The following IFIT1B variants were observed in gnomAD, a reference collection of about 807,000 sequenced individuals.
The protein encoded by IFIT1B is interferon induced protein with tetratricopeptide repeats 1B, also known as protein IFIT1 homolog B.
In IFIT1B, 3 loss-of-function variants were observed where a neutral mutation model predicts 2.5. The observed-to-expected ratio is 1.21, with a 90% CI of 0.55 to 3.14. IFIT1B has a LOEUF of 3.14. Ranked by LOEUF, IFIT1B falls within the 30% of genes most tolerant of loss-of-function variation. The probability of loss-of-function intolerance (pLI) is 0.03; values close to 1 mark genes in which losing one functional copy is unlikely to be tolerated. For synonymous variants in IFIT1B, 196 were observed against 203.0 expected (o/e 0.97, Z 0.29); for missense variants, 545 against 556.5 (o/e 0.98, Z 0.21).
chr10:89,381,453 C>A (rs1206347253), intron 1 of IFIT1B, among the ~76,000 whole-genome samples: 2 of 152,166 alleles, frequency 1.3e-5, no homozygotes, highest in African/African-American at 4.8e-5. Flanking sequence ...TCCTGGGCCA[C>A]AGCTGGAAGG....
intron 1 of IFIT1B, among the ~76,000 whole-genome samples, chr10:89,380,911 A>G (rs1232622706): frequency 6.6e-6 from 1 of 152,198 alleles, no homozygotes; most frequent in Non-Finnish European, 1.5e-5. Flanking sequence ...TTGATGAACA[A>G]CCACCTATAA....
chr10:89,383,245 T>C (rs1220689613), intron 1 of IFIT1B, 74 bp from the exon 2 acceptor site: 9 of 1,320,998 alleles, frequency 6.8e-6, no homozygotes, highest in Non-Finnish European at 8.5e-6. Context: ...ATTTGACTAT[T>C]TGAAGTGCTG....
Position 89,384,401 on chromosome 10 carries a change from T to C in IFIT1B, c.1088T>C (p.Phe363Ser). The C allele has an allele frequency of 1.2e-6, 2 of 1,614,138 alleles. No individual in the cohort carries two copies. Among genetic ancestry groups the C allele is most frequent in the South Asian group, 1.1e-5 (1 of 91,082 alleles). The change falls in exon 2 of 2, where the codon TTT (phenylalanine) becomes TCT (serine). Residue 363 changes from phenylalanine (F) to serine (S), a missense_variant. By Grantham distance (155) the Phe-to-Ser change is radical. Transcript: ENST00000371809. Reference sequence around the variant, plus strand: ...CACCACAGAAAGGCTGAGGAACATTTTCAGAAAGGGTTACGCATGAAGATC... The same window carrying C: ...CACCACAGAAAGGCTGAGGAACATTCTCAGAAAGGGTTACGCATGAAGATC... ...IGHHRKAEEH[F>S]QKGLRMKIFE...
chr10:89,384,594 A>G lies in IFIT1B; in HGVS notation c.1281A>G (p.Lys427=). The change falls in exon 2 of 2, where the codon AAA becomes AAG. Residue 427 remains lysine (K), a synonymous_variant. Transcript: ENST00000371809. ...KLLNALEKLA[K]RCIHQNVRVV... ...TCAATGCTTTAGAGAAATTGGCTAA[A>G]AGATGTATTCACCAGAATGTACGGG... 2 of 1,614,198 alleles carry G rather than the reference A, an allele frequency of 1.2e-6. No homozygotes were observed. The highest frequency in any genetic ancestry group is 2.2e-5 in the South Asian group (2 of 91,090).
chr10:89,383,441 T>A lies in IFIT1B; in HGVS notation c.128T>A (p.Ile43Asn). The change falls in exon 2 of 2, where the codon ATT becomes AAT. Residue 43 changes from isoleucine (I) to asparagine (N), a missense_variant. Coordinates refer to ENST00000371809, the MANE Select transcript of IFIT1B (RefSeq NM_001010987.2). ...TTAGAAAACAGGATCTGGGAAGAGA[T>A]TCAGTTCCTGGACACCAAATACAAT... ...PDLENRIWEEIQFLDTKYNVG... is the reference protein window; with the variant it reads ...PDLENRIWEENQFLDTKYNVG... The A allele has an allele frequency of 1.9e-6, 3 of 1,614,216 alleles. No homozygotes were observed. Among genetic ancestry groups the A allele is most frequent in the Non-Finnish European group, 2.5e-6 (3 of 1,180,046 alleles).
At position 89,383,691 on chromosome 10, in the gene IFIT1B, G is replaced by A. The variant is rs12262020; in HGVS notation, c.378G>A (p.Lys126=). The A allele has an allele frequency of 4.1e-4, 663 of 1,614,240 alleles. 2 individuals are homozygous for A. In the Middle Eastern group the frequency reaches 5.9e-3, roughly 14 times the overall value. ...TYLDKVENTC[K]KFANPSRYRM... ...TGGACAAGGTGGAGAACACTTGCAA[G>A]AAGTTTGCAAATCCTTCCCGCTATA... The change falls in exon 2 of 2, where the codon AAG becomes AAA. Residue 126 remains lysine, a synonymous_variant. Transcript: ENST00000371809.
chr10:89,380,094 C>G (rs1844151980), intron 1 of IFIT1B, among the ~76,000 whole-genome samples: 1 of 151,798 alleles, frequency 6.6e-6, no homozygotes, highest in Non-Finnish European at 1.5e-5. Flanking sequence ...TGACAGAAAG[C>G]AAGCCTTTCA....
intron 1 of IFIT1B, 82 bp downstream of exon 1, chr10:89,378,222 C>T (rs1301531178): frequency 7.1e-7 from 1 of 1,407,780 alleles, no homozygotes; most frequent in Non-Finnish European, 1.0e-6. Context: ...AATTTTTTGA[C>T]AGGCCTTCTC....
rs1241113290 is a variant in IFIT1B at position 89,383,502 on chromosome 10, C to T, written c.189C>T (p.His63=). 8 of 1,614,010 alleles carry T rather than the reference C, an allele frequency of 5.0e-6. No homozygotes were observed. The highest frequency in any genetic ancestry group is 5.1e-6 in the Non-Finnish European group (6 of 1,180,036). The part of the protein sequence containing the change: ...GIHNLLAYVK[H]LKGQNEEALV... ...ACAACCTACTAGCCTATGTGAAACACCTGAAAGGCCAGAATGAGGAAGCCC... is the reference window on the plus strand; with the variant it reads ...ACAACCTACTAGCCTATGTGAAACATCTGAAAGGCCAGAATGAGGAAGCCC... Residue 63 remains histidine, a synonymous_variant, in exon 2 of 2, where the codon CAC becomes CAT. Transcript: ENST00000371809.
chr10:89,381,927 G>A (rs897857572), intron 1 of IFIT1B, among the ~76,000 whole-genome samples: 10 of 151,608 alleles, frequency 6.6e-5, no homozygotes, highest in Non-Finnish European at 8.8e-5. Flanking sequence ...CTGGGACAAC[G>A]CTGGCTAATT....
Position 89,383,620 on chromosome 10 carries a change from T to C in IFIT1B, c.307T>C (p.Trp103Arg). 1 of 1,614,226 alleles carries C rather than the reference T, an allele frequency of 6.2e-7. No homozygotes were observed. Among genetic ancestry groups the C allele is most frequent in the Non-Finnish European group, 8.5e-7 (1 of 1,180,040 alleles). ...RSLVTWGNFA[W>R]VYYHMGRLAE... ...TCTGGTGACCTGGGGCAACTTTGCC[T>C]GGGTGTATTACCACATGGGCAGATT... Residue 103 changes from tryptophan to arginine, a missense_variant, in exon 2 of 2, where the codon TGG becomes CGG. Coordinates refer to ENST00000371809, the MANE Select transcript of IFIT1B (RefSeq NM_001010987.2).
Position 89,384,852 on chromosome 10 carries a change from G to T in IFIT1B, c.*114G>T. On this transcript the variant is annotated 3_prime_UTR_variant, in exon 2 of 2. Coordinates refer to ENST00000371809, the MANE Select transcript of IFIT1B (RefSeq NM_001010987.2). ...ATTTACCTTATTTTGAGCCTTGAGA[G>T]GAATGTGGCTGTGTGGCCTGAGTTA... is the stretch of plus-strand genomic sequence containing the variant. 1 of 952,260 alleles carries T rather than the reference G, an allele frequency of 1.1e-6. No homozygotes were observed. Among genetic ancestry groups the T allele is most frequent in the Non-Finnish European group, 1.6e-6 (1 of 639,858 alleles). The allele number at this position is 952,260 out of a possible 1,614,324, so 59.0% of individuals were successfully genotyped here. A position where few individuals can be genotyped will look rare whatever the true frequency, so the allele number is the denominator to read the frequency against.
intron 1 of IFIT1B, among the ~76,000 whole-genome samples, chr10:89,381,046 A>G (rs1844158939): frequency 6.6e-6 from 1 of 152,180 alleles, no homozygotes; most frequent in Non-Finnish European, 1.5e-5. Context: ...CCACCTATCA[A>G]TGCATGGCCA....
At chr10:89,378,204 T>G in intron 1 of IFIT1B, 64 bp downstream of exon 1, 2 of 1,576,840 alleles carry the variant, frequency 1.3e-6, no homozygotes, top group South Asian at 2.2e-5. Context: ...AAACTTTCCT[T>G]AAGGGCCAAT....
In IFIT1B at chr10:89,383,488, G is replaced by A; in HGVS notation, c.175G>A (p.Ala59Thr). 1.2e-6 allele frequency: 2 copies of A among 1,614,178 alleles called. No homozygotes were observed. Among genetic ancestry groups the A allele is most frequent in the Non-Finnish European group, 1.7e-6 (2 of 1,180,040 alleles). ...KYNVGIHNLL[A>T]YVKHLKGQNE... ...CAATGTGGGAATACACAACCTACTA[G>A]CCTATGTGAAACACCTGAAAGGCCA... The change falls in exon 2 of 2, where the codon GCC becomes ACC. Residue 59 changes from alanine (A) to threonine (T), a missense_variant. Ala to Thr is a moderately conservative substitution (Grantham distance 58, BLOSUM62 0). Transcript: ENST00000371809.
chr10:89,381,060 T>G (rs1392556574), intron 1 of IFIT1B, among the ~76,000 whole-genome samples: 1 of 152,216 alleles, frequency 6.6e-6, no homozygotes, highest in African/African-American at 2.4e-5. Flanking sequence ...ATGGCCATGA[T>G]TAGATCACTC....
At chr10:89,381,283 T>A (rs1844160963) in intron 1 of IFIT1B, among the ~76,000 whole-genome samples, 2 of 152,170 alleles carry the variant, frequency 1.3e-5, no homozygotes, top group South Asian at 4.1e-4. Context: ...GAGTGGACGA[T>A]TTGGGTCAAA....
At position 89,383,772 on chromosome 10, in the gene IFIT1B, T is replaced by A. The variant is rs304494; in HGVS notation, c.459T>A (p.Gly153=). The A allele has an allele frequency of 0.52, 838,100 of 1,613,918 alleles. 227,098 individuals are homozygous for A. The highest frequency in any genetic ancestry group is 0.89 in the African/African-American group (66,671 of 74,998). The change falls in exon 2 of 2, where the codon GGT becomes GGA. Residue 153 remains glycine, a synonymous_variant. Coordinates refer to ENST00000371809, the MANE Select transcript of IFIT1B (RefSeq NM_001010987.2). The part of the protein sequence containing the change: ...CEEGWALAKC[G]GKNYERAKTC... ...AAGGATGGGCCTTGGCGAAGTGTGG[T>A]GGAAAGAATTATGAACGGGCCAAGA...
chr10:89,378,275 C>T, intron 1 of IFIT1B, 135 bp downstream of exon 1: 1 of 803,912 alleles, frequency 1.2e-6, no homozygotes, highest in Non-Finnish European at 2.1e-6. Flanking sequence ...CTGATAGGCA[C>T]CCTCAACATG....
Sources: gnomAD v4.1 joint callset for allele counts (sites outside exome capture counted in the v4.1 genomes callset) on GRCh38, gnomAD v4.1.1 for gene constraint, MANE v1.5 for transcripts, NCBI Gene and HGNC (gene_info 2026-07-23, HGNC 2026-07-21) for gene names.